MAP3K20: variants seen among roughly 807,000 people sequenced by gnomAD.
MAP3K20 encodes HCCS-4.
Under a neutral mutation model 85.7 loss-of-function variants are expected in MAP3K20, and 40 were observed. The ratio of observed to expected loss-of-function variants is 0.47; its 90% CI spans 0.36 to 0.61. The LOEUF (loss-of-function observed/expected upper bound fraction) is 0.61. MAP3K20 is among the 20% of genes least tolerant of loss of function. MAP3K20 has a pLI of 0.00. For missense variants in MAP3K20, 817 were observed against 961.7 expected, an observed-to-expected ratio of 0.85 and a Z score of 1.99; for synonymous variants, 325 against 327.7, an observed-to-expected ratio of 0.99 and a Z score of 0.09.
chr2:173,094,256 CTA>C (rs1194950763), intron 2 of MAP3K20, among the ~76,000 whole-genome samples: 3 of 152,120 alleles, frequency 2.0e-5, no homozygotes, highest in South Asian at 2.1e-4. Flanking sequence ...TGCTTTTTCT[CTA>C]TATGTTATTG....
intron 11 of MAP3K20, chr2:173,225,759 G>A (rs758222484): frequency 7.9e-5 from 78 of 984,768 alleles, no homozygotes; most frequent in Non-Finnish European, 9.3e-5. Context: ...GGCAGCATAC[G>A]ACCTGAATTT....
intron 2 of MAP3K20, among the ~76,000 whole-genome samples, chr2:173,094,310 G>A (rs552851031): frequency 2.1e-4 from 32 of 151,990 alleles, no homozygotes; most frequent in Non-Finnish European, 4.1e-4. Context: ...TTTGCTGAAC[G>A]ATGAGAGTAC....
chr2:173,230,452 T>A (rs945064656), intron 12 of MAP3K20, among the ~76,000 whole-genome samples: 2 of 152,156 alleles, frequency 1.3e-5, no homozygotes, highest in African/African-American at 4.8e-5. Flanking sequence ...TGTTTGAAAG[T>A]GAGGCATCAT....
intron 2 of MAP3K20, among the ~76,000 whole-genome samples, chr2:173,150,675 C>T (rs911863551): frequency 6.6e-6 from 1 of 152,144 alleles, no homozygotes; most frequent in Admixed American, 6.5e-5. Context: ...GAGCAATTCT[C>T]CTGCTTCAGC....
At chr2:173,184,989 C>A (rs962601409) in intron 4 of MAP3K20, among the ~76,000 whole-genome samples, 2 of 152,050 alleles carry the variant, frequency 1.3e-5, no homozygotes, top group African/African-American at 4.8e-5. Flanking sequence ...CGCCTATAAT[C>A]CTAGCACTTT....
intron 2 of MAP3K20, among the ~76,000 whole-genome samples, chr2:173,099,289 C>T (rs1248367676): frequency 7.2e-6 from 1 of 139,566 alleles, no homozygotes; most frequent in Admixed American, 7.3e-5. Flanking sequence ...TCCTTCCTTC[C>T]TTCTGTTGTT....
intron 2 of MAP3K20, among the ~76,000 whole-genome samples, chr2:173,135,147 A>G (rs1407244940): frequency 6.6e-6 from 1 of 152,228 alleles, no homozygotes; most frequent in African/African-American, 2.4e-5. Context: ...TGGTCCTGAA[A>G]TAAAAATATT....
At chr2:173,222,626 AAGC>A in intron 11 of MAP3K20, 4 of 985,434 alleles carry the variant, frequency 4.1e-6, no homozygotes, top group Non-Finnish European at 4.8e-6. Flanking sequence ...CCAGGATTCT[AAGC>A]ATATGCTCAG....
intron 2 of MAP3K20, among the ~76,000 whole-genome samples, chr2:173,134,213 CAG>C (rs1688706218): frequency 7.3e-6 from 1 of 136,574 alleles, no homozygotes; most frequent in African/African-American, 2.7e-5. Flanking sequence ...TTTTTTGAGA[CAG>C]AATCTCGCTC....
chr2:173,120,243 G>C (rs1273600312), intron 2 of MAP3K20, among the ~76,000 whole-genome samples: 1 of 151,870 alleles, frequency 6.6e-6, no homozygotes, highest in Non-Finnish European at 1.5e-5. Flanking sequence ...CTGGCTGGTC[G>C]GCTTTACCTG....
At chr2:173,172,973 T>C (rs1690043939) in intron 3 of MAP3K20, among the ~76,000 whole-genome samples, 1 of 152,072 alleles carries the variant, frequency 6.6e-6, no homozygotes, top group Admixed American at 6.5e-5. Flanking sequence ...AATTTTTGTA[T>C]TTTTAGTAGA....
In MAP3K20 at chr2:173,198,655, G is replaced by A. The variant is rs1690930220; in HGVS notation, c.669+543G>A. The A allele has an allele frequency of 6.6e-6, 1 of 152,628 alleles. No homozygotes were observed. The highest frequency in any genetic ancestry group is 2.4e-5 in the African/African-American group (1 of 41,430). 9.5% of individuals were successfully genotyped at this position (152,628 alleles called of 1,614,324 possible). A position where few individuals can be genotyped will look rare whatever the true frequency, so the allele number is the denominator to read the frequency against. On this transcript the variant is annotated intron_variant, in intron 8 of 19. Transcript: ENST00000375213. The surrounding 1 kb of genome is among the most constrained non-coding windows in gnomAD (Gnocchi z 5.8). ...CTACGTTGAACACTACATTGAAGAT[G>A]AGCTCCTCACTGGAATTGGCGAGGC...
intron 2 of MAP3K20, among the ~76,000 whole-genome samples, chr2:173,153,079 TATAAA>T (rs1689354297): frequency 6.6e-6 from 1 of 152,146 alleles, no homozygotes; most frequent in Non-Finnish European, 1.5e-5. Context: ...GAAACAAACT[TATAAA>T]AGATTGCTTT....
intron 5 of MAP3K20, among the ~76,000 whole-genome samples, chr2:173,189,789 G>A (rs147312398): frequency 1.1e-3 from 170 of 152,100 alleles, no homozygotes; most frequent in African/African-American, 3.9e-3. Flanking sequence ...CCTTGAGTTC[G>A]CTTCCTTCTC....
intron 2 of MAP3K20, among the ~76,000 whole-genome samples, chr2:173,099,483 G>A (rs1242946057): frequency 6.6e-6 from 1 of 151,822 alleles, no homozygotes; most frequent in Non-Finnish European, 1.5e-5. Context: ...CTCTCACTCA[G>A]CTGTTTTATT....
chr2:173,248,177 G>A (rs562598908), intron 16 of MAP3K20, among the ~76,000 whole-genome samples: 25 of 152,232 alleles, frequency 1.6e-4, no homozygotes, highest in Non-Finnish European at 2.6e-4. Context: ...GTGTGCATGC[G>A]GGTGACAGGG....
intron 1 of MAP3K20, among the ~76,000 whole-genome samples, chr2:173,086,194 A>G (rs1396525370): frequency 2.0e-5 from 3 of 152,218 alleles, no homozygotes; most frequent in African/African-American, 7.2e-5. Flanking sequence ...AAATTCTGGT[A>G]TATTCATTAA....
chr2:173,160,906 G>C (rs1689638890), intron 2 of MAP3K20, among the ~76,000 whole-genome samples: 1 of 152,194 alleles, frequency 6.6e-6, no homozygotes, highest in Non-Finnish European at 1.5e-5. Context: ...TCAGCACACA[G>C]CAAAGAAGCA....
intron 1 of MAP3K20, among the ~76,000 whole-genome samples, chr2:173,085,127 G>A (rs1687111173): frequency 6.6e-6 from 1 of 152,188 alleles, no homozygotes; most frequent in African/African-American, 2.4e-5. Flanking sequence ...GAGAAAAAGT[G>A]ATTTGTTAAA....
Sources: gnomAD v4.1 joint callset for allele counts (sites outside exome capture counted in the v4.1 genomes callset) on GRCh38, gnomAD v4.1.1 for gene constraint, Gnocchi (gnomAD v3.1) non-coding constraint, MANE v1.5 for transcripts, NCBI Gene and HGNC (gene_info 2026-07-23, HGNC 2026-07-21) for gene names.